COPB2: variants seen among roughly 807,000 people sequenced by gnomAD.
COPB2 encodes the protein coatomer subunit beta'.
In COPB2, 16 loss-of-function variants were observed where a neutral mutation model predicts 120.8. The observed-to-expected ratio is 0.13, with a 90% CI of 0.09 to 0.20. COPB2 has a LOEUF of 0.20. Ranked by LOEUF, COPB2 falls within the 10% of genes least tolerant of loss-of-function variation. The probability of loss-of-function intolerance (pLI) is 1.00; values close to 1 mark genes in which losing one functional copy is unlikely to be tolerated. For synonymous variants in COPB2, 332 were observed against 366.3 expected (o/e 0.91, Z 1.07); for missense variants, 794 against 1,076.5 (o/e 0.74, Z 3.67).
At chr3:139,373,854 C>A in intron 7 of COPB2, 46 bp from the exon 8 acceptor site, 1 of 1,607,658 alleles carries the variant, frequency 6.2e-7, no homozygotes, top group Non-Finnish European at 8.5e-7. Flanking sequence ...AAACATCCGA[C>A]AATAAACTGT....
chr3:139,357,935 ATCTACT>A lies in COPB2; in HGVS notation c.2643_2648del (p.Glu881_Val882del). 1.3e-6 allele frequency: 2 copies of A among 1,594,174 alleles called. No individual in the cohort carries two copies. The highest frequency in any genetic ancestry group is 1.7e-6 in the Non-Finnish European group (2 of 1,164,788). ...TATCTTCTAATTCCAAATTATCCAA[ATCTACT>A]TCTAGTTCGAGTAAACTCTGCAGAC... is the stretch of plus-strand genomic sequence containing the variant. On this transcript the variant is annotated inframe_deletion, in exon 22 of 22. Transcript: ENST00000333188.
chr3:139,386,427 G>A lies in COPB2; in HGVS notation c.4-2992C>T, dbSNP rs1941923047. 4.6e-5 allele frequency among the ~76,000 whole-genome samples: 7 copies of A among 151,796 alleles called. No homozygotes were observed. In the South Asian group the frequency reaches 1.5e-3, roughly 32 times the overall value. On this transcript the variant is annotated intron_variant, in intron 1 of 21. Coordinates refer to ENST00000333188, the MANE Select transcript of COPB2 (RefSeq NM_004766.3). ...CTGCCACCATGTCCAGCTAATTTTT[G>A]TATTTTTAGAGACAGGGTTTCACCA...
chr3:139,373,075 T>A (rs768704620), intron 9 of COPB2, 138 bp downstream of exon 9: 45 of 782,646 alleles, frequency 5.7e-5, no homozygotes, highest in Non-Finnish European at 8.7e-5. Context: ...TGCAGCTGTG[T>A]TGAGGATTGT....
chr3:139,357,995 G>T, intron 21 of COPB2, 37 bp from the exon 22 acceptor site: 1 of 1,292,458 alleles, frequency 7.7e-7, no homozygotes, highest in Non-Finnish European at 1.1e-6. Flanking sequence ...AAGTTTTACA[G>T]TACTGTTAAA....
rs74430165 is a variant in COPB2 at position 139,359,537 on chromosome 3, G to A, written c.2211-175C>T. Among the ~76,000 whole-genome samples the A allele has an allele frequency of 3.9e-3, 593 of 152,290 alleles. 5 individuals are homozygous for A. The highest frequency in any genetic ancestry group is 0.013 in the African/African-American group (541 of 41,556). On this transcript the variant is annotated intron_variant, in intron 17 of 21. Transcript: ENST00000333188. ...GTTAATCAACACACTGCAAGGGTATGAGGGATAAGACAGCTTTCCTGACTA... is the reference window on the plus strand; with the variant it reads ...GTTAATCAACACACTGCAAGGGTATAAGGGATAAGACAGCTTTCCTGACTA...
chr3:139,361,371 G>C (rs1941416148), intron 16 of COPB2, 76 bp from the exon 17 acceptor site: 1 of 1,386,286 alleles, frequency 7.2e-7, no homozygotes, highest in African/African-American at 1.4e-5. Context: ...TCTGTTAACT[G>C]TGCAGACAAT....
chr3:139,379,645 T>C (rs1321720389), intron 2 of COPB2, 179 bp from the exon 3 acceptor site: 1 of 563,544 alleles, frequency 1.8e-6, no homozygotes, highest in Non-Finnish European at 3.1e-6. Context: ...TTTTAATAGA[T>C]TCGAAATTAA....
chr3:139,389,056 G>T (rs367676689), intron 1 of COPB2, among the ~76,000 whole-genome samples: 4 of 152,226 alleles, frequency 2.6e-5, no homozygotes, highest in East Asian at 1.9e-4. Context: ...TAACAGCTGA[G>T]ATATCAAAGC....
intron 9 of COPB2, among the ~76,000 whole-genome samples, chr3:139,372,991 T>G (rs1047789738): frequency 1.3e-5 from 2 of 152,232 alleles, no homozygotes; most frequent in Non-Finnish European, 2.9e-5. Flanking sequence ...TTCAAAATTG[T>G]GTGGTATAGA....
intron 20 of COPB2, 156 bp from the exon 21 acceptor site, chr3:139,358,427 CCAG>C: frequency 1.5e-6 from 1 of 683,624 alleles, no homozygotes; most frequent in East Asian, 2.7e-5. Flanking sequence ...GCCTGTAATC[CCAG>C]CACTTTGGGA....
Position 139,379,421 on chromosome 3 carries a change from C to T in COPB2, c.187G>A (p.Ala63Thr), listed in dbSNP as rs1191720567. 1.9e-6 allele frequency: 3 copies of T among 1,614,084 alleles called. No individual in the cohort carries two copies. The highest frequency in any genetic ancestry group is 3.3e-5 in the Admixed American group (2 of 60,018). ...CAATTCTTCCTTGCAACAAACTTTG[C>T]AGCTCGAACAGGAAGATCACATACT... ...FEVCDLPVRA[A>T]KFVARKNWVV... The change falls in exon 3 of 22, where the codon GCA (alanine) becomes ACA (threonine). Residue 63 changes from alanine to threonine, a missense_variant. This residue lies in a region of COPB2 where 610 missense variants were observed against 866.7 expected (regional missense o/e 0.70). Coordinates refer to ENST00000333188, the MANE Select transcript of COPB2 (RefSeq NM_004766.3).
rs752067651 is a variant in COPB2 at position 139,375,590 on chromosome 3, G to A, written c.529C>T (p.Pro177Ser). The A allele has an allele frequency of 3.1e-6, 5 of 1,613,914 alleles. No individual in the cohort carries two copies. The change falls in exon 6 of 22, where the codon CCA becomes TCA. Residue 177 changes from proline (P) to serine (S), a missense_variant. Physicochemically the swap from Pro to Ser is moderately conservative, Grantham distance 74. This residue lies in a region of COPB2 where 610 missense variants were observed against 866.7 expected (regional missense o/e 0.70). Coordinates refer to ENST00000333188, the MANE Select transcript of COPB2 (RefSeq NM_004766.3). The stretch of plus-strand genomic sequence containing the variant: ...TCATGTCCTTCCAAAGTGAAGTTTG[G>A]TGACGAAGAGCCCAACTGCCACACC... ...IKVWQLGSSS[P>S]NFTLEGHEKG...
chr3:139,361,744 C>G (rs1941423454), intron 16 of COPB2, among the ~76,000 whole-genome samples: 1 of 152,158 alleles, frequency 6.6e-6, no homozygotes, highest in Admixed American at 6.5e-5. Context: ...ATGATCTTAA[C>G]GTAGCTAAAA....
intron 20 of COPB2, 182 bp from the exon 21 acceptor site, chr3:139,358,453 T>A (rs1394154044): frequency 1.6e-6 from 1 of 624,390 alleles, no homozygotes; most frequent in African/African-American, 1.8e-5. Context: ...CCGAAGCAGG[T>A]GGATCATGAG....
At chr3:139,379,327 C>T (rs1331889680) in intron 3 of COPB2, 53 bp downstream of exon 3, 1 of 1,581,898 alleles carries the variant, frequency 6.3e-7, no homozygotes, top group Non-Finnish European at 8.7e-7. Context: ...CAAATTTACA[C>T]AATCATTGAC....
intron 5 of COPB2, 115 bp downstream of exon 5, chr3:139,377,925 AG>A: frequency 2.1e-6 from 2 of 969,014 alleles, no homozygotes; most frequent in Non-Finnish European, 2.8e-6. Flanking sequence ...ACTTCAAAAC[AG>A]GCTTTTGAGG....
rs1473688625 is a variant in COPB2 at position 139,373,738 on chromosome 3, T to C, written c.822A>G (p.Val274=). Residue 274 remains valine, a synonymous_variant, in exon 8 of 22, where the codon GTA becomes GTG. Transcript: ENST00000333188. ...ACCCTCTTAGACTGGCCACGCACCA[T>C]ACCCTCTCCATTCCATAATTCAGTG... ...ESTLNYGMER[V]WCVASLRGSN... 4.3e-6 allele frequency: 7 copies of C among 1,614,006 alleles called. No homozygotes were observed. The highest frequency in any genetic ancestry group is 5.9e-6 in the Non-Finnish European group (7 of 1,180,014).
At chr3:139,371,635 C>T (rs1941624706) in intron 10 of COPB2, 88 bp downstream of exon 10, 2 of 1,090,160 alleles carry the variant, frequency 1.8e-6, no homozygotes, top group African/African-American at 1.6e-5. Flanking sequence ...CGGAGAATCA[C>T]AGCCCACATC....
chr3:139,387,351 G>A (rs1326919554), intron 1 of COPB2, among the ~76,000 whole-genome samples: 1 of 152,182 alleles, frequency 6.6e-6, no homozygotes, highest in Non-Finnish European at 1.5e-5. Flanking sequence ...TGACTATTTT[G>A]AATAAGACAA....
Sources: gnomAD v4.1 joint callset for allele counts (sites outside exome capture counted in the v4.1 genomes callset) on GRCh38, gnomAD v4.1.1 for gene constraint, gnomAD v4.1.1 regional missense constraint, MANE v1.5 for transcripts, NCBI Gene and HGNC (gene_info 2026-07-23, HGNC 2026-07-21) for gene names.